RBM47: variants seen among roughly 807,000 people sequenced by gnomAD.
RBM47 encodes RNA-binding protein 47.
RBM47 carries 21 observed loss-of-function variants against 47.1 expected under a neutral mutation model. The observed-to-expected ratio is 0.45, with a 90% CI of 0.32 to 0.64. The LOEUF (loss-of-function observed/expected upper bound fraction) is 0.64, where lower values mean the gene tolerates loss of function less well. Among genes scored for constraint, RBM47 ranks in the 30% least tolerant of loss-of-function variants. The pLI, the probability that RBM47 is intolerant of heterozygous loss-of-function variation, is 0.05. For missense variants in RBM47, 708 were observed against 870.9 expected (o/e 0.81, Z 2.35); for synonymous variants, 375 against 361.7 (o/e 1.04, Z -0.42).
At chr4:40,443,605 T>C (rs1048600310) in intron 3 of RBM47, among the ~76,000 whole-genome samples, 1 of 151,196 alleles carries the variant, frequency 6.6e-6, no homozygotes, top group Non-Finnish European at 1.5e-5. Flanking sequence ...TAATCTCAGC[T>C]ACTCAGGATG....
chr4:40,535,848 A>C (rs1727923016), intron 2 of RBM47, among the ~76,000 whole-genome samples: 1 of 151,514 alleles, frequency 6.6e-6, no homozygotes, highest in Non-Finnish European at 1.5e-5. Flanking sequence ...ATGAGCCACC[A>C]CACCTGGCCT....
chr4:40,586,452 G>A (rs1471942794), intron 1 of RBM47, among the ~76,000 whole-genome samples: 1 of 151,754 alleles, frequency 6.6e-6, no homozygotes, highest in Non-Finnish European at 1.5e-5. Flanking sequence ...AGGCATGTTG[G>A]AGGGTGCTCC....
At chr4:40,492,440 C>G (rs1031753443) in intron 2 of RBM47, among the ~76,000 whole-genome samples, 1 of 152,162 alleles carries the variant, frequency 6.6e-6, no homozygotes. Flanking sequence ...GATGCTGCCA[C>G]TTATTACCCT....
At chr4:40,583,050 G>A (rs13130495) in intron 1 of RBM47, among the ~76,000 whole-genome samples, 60,864 of 152,092 alleles carry the variant, frequency 0.4, 12,531 homozygotes, top group African/African-American at 0.42. Flanking sequence ...AAGTACAGAA[G>A]AGACAGGGAA....
At chr4:40,594,072 A>G (rs1416343791) in intron 1 of RBM47, among the ~76,000 whole-genome samples, 1 of 151,920 alleles carries the variant, frequency 6.6e-6, no homozygotes, top group African/African-American at 2.4e-5. Flanking sequence ...CAAAAAAAAG[A>G]AAGAAAGAAA....
At chr4:40,573,907 T>A (rs1373246080) in intron 1 of RBM47, among the ~76,000 whole-genome samples, 1 of 151,708 alleles carries the variant, frequency 6.6e-6, no homozygotes, top group Non-Finnish European at 1.5e-5. Context: ...CTAAGAAAGA[T>A]AATCATAATT....
chr4:40,432,895 A>C (rs1486071269), intron 5 of RBM47, 33 bp from the exon 6 acceptor site: 1 of 1,611,474 alleles, frequency 6.2e-7, no homozygotes, highest in Non-Finnish European at 8.5e-7. Flanking sequence ...AAACAGGTCA[A>C]TCACTTTCAG....
rs763314452 is a variant in RBM47, at chr4:40,438,688, C to T, written c.206G>A (p.Arg69His). 4.3e-6 allele frequency: 7 copies of T among 1,611,506 alleles called. No homozygotes were observed. Among genetic ancestry groups the T allele is most frequent in the Admixed American group, 1.7e-5 (1 of 59,916 alleles). Residue 69 changes from arginine (R) to histidine (H), a missense_variant, in exon 4 of 7, where the codon CGT becomes CAT. By Grantham distance (29) the Arg-to-His change is conservative (BLOSUM62 0). Coordinates refer to ENST00000295971, the MANE Select transcript of RBM47 (RefSeq NM_001098634.2). ...PPGWEGPHPQ[R>H]GCEVFVGKIP... ...CTTGCCCACGAAGACCTCGCAGCCA[C>T]GCTGCGGGTGCGGGCCCTCCCAGCC...
At chr4:40,620,270 G>A (rs1737144422) in intron 1 of RBM47, among the ~76,000 whole-genome samples, 1 of 151,204 alleles carries the variant, frequency 6.6e-6, no homozygotes, top group Non-Finnish European at 1.5e-5. Context: ...CACTTTGGGA[G>A]GTCAAGGCGG....
Position 40,432,740 on chromosome 4 carries a change from CT to C in RBM47, c.1452del (p.Asp485ThrfsTer34). On this transcript the variant is annotated frameshift_variant, in exon 6 of 7. Transcript: ENST00000295971. LOFTEE classifies it high-confidence loss of function. ...GCGGCGGCAGCAGCACTGGCTGGGT[CT>C]GGCTGCACAGCAATGGGGCTGATCA... ...EHMISPIAVQ[P>X]DPASAAAAAA... 1 of 1,612,856 alleles carries C rather than the reference CT, an allele frequency of 6.2e-7. No homozygotes were observed. The highest frequency in any genetic ancestry group is 8.5e-7 in the Non-Finnish European group (1 of 1,179,796).
intron 3 of RBM47, among the ~76,000 whole-genome samples, chr4:40,466,132 G>A (rs151265517): frequency 6.6e-6 from 1 of 152,050 alleles, no homozygotes; most frequent in African/African-American, 2.4e-5. Flanking sequence ...GCCAGATGTG[G>A]TGGTACACAC....
intron 4 of RBM47, among the ~76,000 whole-genome samples, chr4:40,437,090 A>AAAAAAATATATATATATATAT (rs1256296949): frequency 6.0e-5 from 3 of 49,802 alleles, no homozygotes; most frequent in African/African-American, 3.3e-4. Flanking sequence ...AAAAAAAAAA[A>AAAAAAATATATATATATATAT]ATATATATAT....
chr4:40,454,068 T>C (rs1264951306), intron 3 of RBM47, among the ~76,000 whole-genome samples: 1 of 152,226 alleles, frequency 6.6e-6, no homozygotes, highest in African/African-American at 2.4e-5. Context: ...TAATAAAGTT[T>C]TGTTGGCACA....
At chr4:40,454,010 G>A (rs960563524) in intron 3 of RBM47, among the ~76,000 whole-genome samples, 4 of 152,110 alleles carry the variant, frequency 2.6e-5, no homozygotes, top group East Asian at 1.9e-4. Context: ...TCTAGAGTAC[G>A]GGGTAGACGC....
intron 2 of RBM47, among the ~76,000 whole-genome samples, chr4:40,468,968 C>A (rs1718452009): frequency 6.6e-6 from 1 of 152,224 alleles, no homozygotes; most frequent in South Asian, 2.1e-4. Context: ...GGACAATAGA[C>A]TCCTGCATCT....
rs541698566 is a variant in RBM47 at position 40,541,125 on chromosome 4, TA to T, written c.-155+3296del. Among the ~76,000 whole-genome samples, 1,087 of 150,100 alleles carry T rather than the reference TA, an allele frequency of 7.2e-3. 8 individuals carry two copies. Among genetic ancestry groups the T allele is most frequent in the African/African-American group, 0.025 (1,034 of 40,570 alleles). On this transcript the variant is annotated intron_variant, in intron 2 of 6. Transcript: ENST00000295971. ...GAAACATGGCGAGACCTCATCTCTA[TA>T]AAAAATTAAAAATTAGCTGGGCCCA...
intron 5 of RBM47, among the ~76,000 whole-genome samples, chr4:40,433,815 G>A (rs1711769037): frequency 6.6e-6 from 1 of 152,190 alleles, no homozygotes; most frequent in African/African-American, 2.4e-5. Flanking sequence ...ACGCAAAGTA[G>A]TGAAGATGTG....
chr4:40,473,073 T>C (rs1290661498), intron 2 of RBM47, among the ~76,000 whole-genome samples: 1 of 152,194 alleles, frequency 6.6e-6, no homozygotes, highest in African/African-American at 2.4e-5. Flanking sequence ...AGATGGTATA[T>C]GTGGTAGGCT....
intron 1 of RBM47, among the ~76,000 whole-genome samples, chr4:40,586,618 C>T (rs1036665295): frequency 3.3e-5 from 5 of 149,824 alleles, no homozygotes; most frequent in South Asian, 2.1e-4. Context: ...TCCAGCTTGG[C>T]GCTCCGTCCA....
Sources: allele counts gnomAD v4.1 joint callset (sites outside exome capture counted in the v4.1 genomes callset), GRCh38; gene constraint gnomAD v4.1.1; transcripts MANE v1.5; gene names NCBI Gene and HGNC (gene_info 2026-07-23, HGNC 2026-07-21).